The following CAMTA1 variants were observed in gnomAD, a reference collection of about 807,000 sequenced individuals.
CAMTA1 encodes calmodulin binding transcription activator 1.
CAMTA1 carries 27 observed loss-of-function variants against 170.9 expected under a neutral mutation model. The ratio of observed to expected loss-of-function variants is 0.16; its 90% CI spans 0.12 to 0.22. The LOEUF (loss-of-function observed/expected upper bound fraction) is 0.22. Ranked by LOEUF, CAMTA1 falls within the 10% of genes least tolerant of loss-of-function variation. The pLI is 1.00. For missense variants in CAMTA1, 1,619 were observed against 2,217.2 expected, an observed-to-expected ratio of 0.73 and a Z score of 5.42; for synonymous variants, 833 against 891.5, an observed-to-expected ratio of 0.93 and a Z score of 1.17.
chr1:7,274,159 G>A (rs531192799), intron 5 of CAMTA1, among the ~76,000 whole-genome samples: 62 of 152,156 alleles, frequency 4.1e-4, no homozygotes, highest in Non-Finnish European at 7.5e-4. Flanking sequence ...TTAAAAGCTA[G>A]AGAGTATCAG....
At chr1:7,734,601 T>C (rs1489997857) in intron 12 of CAMTA1, among the ~76,000 whole-genome samples, 1 of 152,128 alleles carries the variant, frequency 6.6e-6, no homozygotes, top group Non-Finnish European at 1.5e-5. Context: ...CATGAATGTG[T>C]CTTGTGTGTG....
intron 3 of CAMTA1, among the ~76,000 whole-genome samples, chr1:7,070,116 C>T (rs992652963): frequency 2.6e-5 from 4 of 152,192 alleles, no homozygotes; most frequent in African/African-American, 9.7e-5. Flanking sequence ...AGAGGCGGGG[C>T]CCGAAGTGTC....
intron 4 of CAMTA1, among the ~76,000 whole-genome samples, chr1:7,095,517 G>A (rs1426475975): frequency 2.0e-5 from 3 of 152,196 alleles, no homozygotes; most frequent in Non-Finnish European, 4.4e-5. Flanking sequence ...TGGTGAGTCC[G>A]TGCTAGAACT....
rs902427976 is a variant in CAMTA1, at chr1:7,001,638, C to T, written c.235-89666C>T. ...CAACAAGCACATGTCCCGGATTTCA[C>T]GTCTTCTTCAAAGGATGCTGGTCTT... On this transcript the variant is annotated intron_variant, in intron 3 of 22. Coordinates refer to ENST00000303635, the MANE Select transcript of CAMTA1 (RefSeq NM_015215.4). 3.9e-5 allele frequency among the ~76,000 whole-genome samples: 6 copies of T among 152,306 alleles called. No homozygotes were observed. The South Asian group carries it at 6.2e-4, about 16-fold the overall frequency.
At chr1:7,765,952 G>A (rs186176510) in intron 22 of CAMTA1, among the ~76,000 whole-genome samples, 6 of 151,640 alleles carry the variant, frequency 4.0e-5, no homozygotes, top group South Asian at 2.1e-4. Flanking sequence ...GCGTGAACCC[G>A]GGAGGCGGAG....
At chr1:7,484,895 C>T (rs908825689) in intron 6 of CAMTA1, among the ~76,000 whole-genome samples, 2 of 152,166 alleles carry the variant, frequency 1.3e-5, no homozygotes, top group African/African-American at 2.4e-5. Flanking sequence ...ACAAAGACCC[C>T]GTCCTAGGCT....
chr1:7,449,788 AG>A (rs1411110860), intron 5 of CAMTA1, among the ~76,000 whole-genome samples: 1 of 144,114 alleles, frequency 6.9e-6, no homozygotes, highest in African/African-American at 2.6e-5. Context: ...AAAAAAAAAA[AG>A]AAAGAAAGAA....
chr1:7,650,550 G>A (rs749560215), intron 7 of CAMTA1, among the ~76,000 whole-genome samples: 29 of 152,188 alleles, frequency 1.9e-4, no homozygotes, highest in Admixed American at 1.3e-3. Flanking sequence ...TCCAGAGGAC[G>A]TGTGATGTTG....
intron 4 of CAMTA1, among the ~76,000 whole-genome samples, chr1:7,196,557 T>A (rs182109251): frequency 3.3e-5 from 5 of 152,210 alleles, no homozygotes; most frequent in African/African-American, 1.2e-4. Context: ...ACTAACAGAT[T>A]TTGGAGTGAT....
chr1:7,672,517 G>A (rs1189861859), intron 10 of CAMTA1, among the ~76,000 whole-genome samples: 1 of 152,108 alleles, frequency 6.6e-6, no homozygotes, highest in African/African-American at 2.4e-5. Flanking sequence ...TGTTTCCTGG[G>A]TTCAAGTGAT....
At position 7,596,303 on chromosome 1, in the gene CAMTA1, G is replaced by A. The variant is rs995536047; in HGVS notation, c.511-44097G>A. The stretch of plus-strand genomic sequence containing the variant: ...CATGCTGGCTGGGTGACCCAGGCCT[G>A]GATAGAAATGGAGAGGGCAGCTCCA... On this transcript the variant is annotated intron_variant, in intron 6 of 22. Coordinates refer to ENST00000303635, the MANE Select transcript of CAMTA1 (RefSeq NM_015215.4). Among the ~76,000 whole-genome samples, 66 of 152,224 alleles carry A rather than the reference G, an allele frequency of 4.3e-4. 1 individual carries two copies. The highest frequency in any genetic ancestry group is 1.4e-3 in the African/African-American group (57 of 41,458).
At chr1:7,395,749 A>G (rs1184795193) in intron 5 of CAMTA1, among the ~76,000 whole-genome samples, 2 of 152,040 alleles carry the variant, frequency 1.3e-5, no homozygotes, top group African/African-American at 2.4e-5. Context: ...TCCATTTCTT[A>G]TATCAATTTT....
At chr1:7,111,795 G>A (rs1644057217) in intron 4 of CAMTA1, among the ~76,000 whole-genome samples, 2 of 146,876 alleles carry the variant, frequency 1.4e-5, no homozygotes, top group Admixed American at 1.4e-4. Flanking sequence ...TGAAGCAGGA[G>A]AATCACTTGA....
chr1:6,924,963 G>A (rs560534942), intron 3 of CAMTA1, among the ~76,000 whole-genome samples: 2 of 152,222 alleles, frequency 1.3e-5, no homozygotes, highest in African/African-American at 2.4e-5. Flanking sequence ...GGTTGGGGGG[G>A]ACTGTGCTGT....
At chr1:7,120,772 G>A (rs1248557106) in intron 4 of CAMTA1, among the ~76,000 whole-genome samples, 1 of 152,172 alleles carries the variant, frequency 6.6e-6, no homozygotes, top group Admixed American at 6.5e-5. Flanking sequence ...GATGATTCAA[G>A]GATCCTCCCT....
intron 4 of CAMTA1, among the ~76,000 whole-genome samples, chr1:7,094,895 G>A (rs141963435): frequency 3.9e-5 from 6 of 152,224 alleles, no homozygotes; most frequent in Non-Finnish European, 8.8e-5. Flanking sequence ...AGACCCCAGG[G>A]AACTTCATGC....
At chr1:7,028,327 G>A (rs978160640) in intron 3 of CAMTA1, among the ~76,000 whole-genome samples, 22 of 152,222 alleles carry the variant, frequency 1.4e-4, no homozygotes, top group African/African-American at 5.1e-4. Flanking sequence ...ACAGATATTA[G>A]TGTCAGTGAG....
At chr1:7,757,717 C>T (rs993050660) in intron 22 of CAMTA1, among the ~76,000 whole-genome samples, 6 of 151,572 alleles carry the variant, frequency 4.0e-5, no homozygotes, top group Non-Finnish European at 8.8e-5. Context: ...GCCTGGGCGA[C>T]AGAGCAAGAC....
chr1:7,341,022 A>T (rs1016705086), intron 5 of CAMTA1, among the ~76,000 whole-genome samples: 1 of 152,134 alleles, frequency 6.6e-6, no homozygotes, highest in Admixed American at 6.5e-5. Flanking sequence ...ATGATACAAG[A>T]CCTTCCTTCT....
Sources: allele counts gnomAD v4.1 joint callset (sites outside exome capture counted in the v4.1 genomes callset), GRCh38; gene constraint gnomAD v4.1.1; transcripts MANE v1.5; gene names NCBI Gene and HGNC (gene_info 2026-07-23, HGNC 2026-07-21).